Variants in ODAD2 observed in about 807,000 individuals in gnomAD.
The protein encoded by ODAD2 is outer dynein arm-docking complex subunit 2.
Under a neutral mutation model 106.8 loss-of-function variants are expected in ODAD2, and 89 were observed. The observed-to-expected ratio is 0.83, with a 90% confidence interval of 0.70 to 0.99. The LOEUF (loss-of-function observed/expected upper bound fraction) is 0.99, where lower values mean the gene tolerates loss of function less well. ODAD2 is among the 50% of genes least tolerant of loss of function. The probability of loss-of-function intolerance (pLI) is 0.00; values close to 1 mark genes in which losing one functional copy is unlikely to be tolerated. For synonymous variants in ODAD2, 404 were observed against 436.2 expected (o/e 0.93, Z 0.92); for missense variants, 1,168 against 1,238.5 (o/e 0.94, Z 0.85).
chr10:27,871,167 C>T (rs896119502), intron 17 of ODAD2, among the ~76,000 whole-genome samples: 1 of 152,144 alleles, frequency 6.6e-6, no homozygotes, highest in Non-Finnish European at 1.5e-5. Flanking sequence ...TGAGAAGTGT[C>T]TGTTCATATC....
rs1462134360 is a variant in ODAD2 at position 27,860,472 on chromosome 10, G to C, written c.3021+153C>G. Reference sequence around the variant, plus strand: ...TGTTTAAAAAGAAAAAAAAAGTCATGATAACACATGGCTTGAATGCAGCCA... The same window carrying C: ...TGTTTAAAAAGAAAAAAAAAGTCATCATAACACATGGCTTGAATGCAGCCA... On this transcript the variant is annotated intron_variant, in intron 19 of 19. Transcript: ENST00000305242. Among the ~76,000 whole-genome samples, 4 of 152,064 alleles carry C rather than the reference G, an allele frequency of 2.6e-5. No homozygotes were observed. In the South Asian group the frequency reaches 8.3e-4, roughly 32 times the overall value.
intron 17 of ODAD2, among the ~76,000 whole-genome samples, chr10:27,877,971 T>C (rs1841459076): frequency 6.6e-6 from 1 of 152,140 alleles, no homozygotes; most frequent in African/African-American, 2.4e-5. Flanking sequence ...AAACTTAGCT[T>C]TTCTGAAATC....
intron 17 of ODAD2, among the ~76,000 whole-genome samples, chr10:27,896,142 T>C (rs1842840796): frequency 6.6e-6 from 1 of 152,224 alleles, no homozygotes; most frequent in Non-Finnish European, 1.5e-5. Context: ...TCTAAAAATG[T>C]TCATCATGAA....
At chr10:27,952,395 T>A (rs1448631462) in intron 10 of ODAD2, among the ~76,000 whole-genome samples, 1 of 139,116 alleles carries the variant, frequency 7.2e-6, no homozygotes, top group Non-Finnish European at 1.6e-5. Flanking sequence ...TTTTATTTTA[T>A]TTTTTTTTTT....
intron 19 of ODAD2, among the ~76,000 whole-genome samples, chr10:27,834,637 G>A (rs1005455121): frequency 2.0e-5 from 3 of 152,206 alleles, no homozygotes; most frequent in East Asian, 1.9e-4. Flanking sequence ...GGGGCAGATC[G>A]TGAAAGGGCT....
At chr10:27,999,500 C>G (rs1033534458), upstream of ODAD2, among the ~76,000 whole-genome samples, 1 of 152,118 alleles carries the variant, frequency 6.6e-6, no homozygotes, top group African/African-American at 2.4e-5. Flanking sequence ...AAGCAGAAAG[C>G]GCTCTTCAAT....
At chr10:27,895,460 G>T (rs890767954) in intron 17 of ODAD2, among the ~76,000 whole-genome samples, 1 of 152,112 alleles carries the variant, frequency 6.6e-6, no homozygotes, top group Non-Finnish European at 1.5e-5. Flanking sequence ...GCTAATTTTT[G>T]TATTTTTAGT....
At chr10:27,943,986 T>A (rs957881465) in intron 12 of ODAD2, among the ~76,000 whole-genome samples, 1 of 152,082 alleles carries the variant, frequency 6.6e-6, no homozygotes, top group East Asian at 1.9e-4. Context: ...GACAGTTACA[T>A]CTGCTTTAAA....
At chr10:27,956,020 G>C (rs1223841573) in intron 10 of ODAD2, among the ~76,000 whole-genome samples, 2 of 152,008 alleles carry the variant, frequency 1.3e-5, no homozygotes, top group Admixed American at 1.3e-4. Context: ...CGCAATTTGT[G>C]GTTACAGAGC....
intron 3 of ODAD2, 84 bp downstream of exon 3, chr10:27,987,302 C>A: frequency 1.6e-6 from 2 of 1,256,854 alleles, no homozygotes; most frequent in Non-Finnish European, 2.2e-6. Context: ...GAGACTCTAA[C>A]AAATGATCCT....
rs72799643 is a variant in ODAD2 at position 27,837,220 on chromosome 10, C to T, written c.3021+23405G>A. ...TGTGCTGCCCTGTGACCACATGGTC[C>T]CGTACTGGTCACTCAGAGTGAGACC... is the stretch of plus-strand genomic sequence containing the variant. On this transcript the variant is annotated intron_variant, in intron 19 of 19. Coordinates refer to ENST00000305242, the MANE Select transcript of ODAD2 (RefSeq NM_018076.5). Among the ~76,000 whole-genome samples, 831 of 152,302 alleles carry T rather than the reference C, an allele frequency of 5.5e-3. 4 individuals are homozygous for T. The highest frequency in any genetic ancestry group is 9.0e-3 in the Non-Finnish European group (612 of 68,028).
rs1845871578 is a variant in ODAD2 at position 27,935,090 on chromosome 10, G to A, written c.2415C>T (p.Leu805=). The change falls in exon 16 of 20, where the codon CTC becomes CTT. Residue 805 remains leucine (L), a synonymous_variant. Transcript: ENST00000305242. ...KCGGIQPLVN[L]LVGINQALLV... ...GAAGAGCTTGGTTTATTCCAACAAGGAGGTTCACAAGTGGTTGAATGCCAC... is the reference window on the plus strand; with the variant it reads ...GAAGAGCTTGGTTTATTCCAACAAGAAGGTTCACAAGTGGTTGAATGCCAC... 6.2e-7 allele frequency: 1 copy of A among 1,613,820 alleles called. No individual in the cohort carries two copies. The highest frequency in any genetic ancestry group is 8.5e-7 in the Non-Finnish European group (1 of 1,179,910).
intron 16 of ODAD2, among the ~76,000 whole-genome samples, chr10:27,934,144 T>A (rs1174587423): frequency 6.6e-6 from 1 of 152,192 alleles, no homozygotes; most frequent in Admixed American, 6.5e-5. Context: ...GACTTGCTCC[T>A]CCTTGCCTTC....
chr10:27,965,321 A>G (rs1329562534), intron 9 of ODAD2, among the ~76,000 whole-genome samples: 2 of 151,982 alleles, frequency 1.3e-5, no homozygotes, highest in African/African-American at 4.8e-5. Context: ...GAGCCTAGGG[A>G]AAAGAAGATC....
chr10:27,993,662 T>A lies in ODAD2; in HGVS notation c.224+1257A>T, dbSNP rs551813627. On this transcript the variant is annotated intron_variant, in intron 2 of 19. Coordinates refer to ENST00000305242, the MANE Select transcript of ODAD2 (RefSeq NM_018076.5). ...GAGACTCTGTCTCCAGAAAAAAAAA[T>A]AAATAAATAAATATGACTTCAAACA... Among the ~76,000 whole-genome samples, 254 of 151,626 alleles carry A rather than the reference T, an allele frequency of 1.7e-3. 1 individual carries two copies. The highest frequency in any genetic ancestry group is 4.5e-3 in the African/African-American group (187 of 41,316).
At chr10:27,998,842 G>A (rs1293190646) in intron 1 of ODAD2, among the ~76,000 whole-genome samples, 152 bp downstream of exon 1, 1 of 152,114 alleles carries the variant, frequency 6.6e-6, no homozygotes, top group Non-Finnish European at 1.5e-5. Context: ...CCCGCCTGTT[G>A]CTAGGACGCG....
chr10:27,855,126 A>T (rs1839569875), intron 19 of ODAD2, among the ~76,000 whole-genome samples: 1 of 152,164 alleles, frequency 6.6e-6, no homozygotes, highest in Non-Finnish European at 1.5e-5. Flanking sequence ...ATATGTCAAA[A>T]TCTATCAAAG....
chr10:27,932,936 T>G (rs1349190985), intron 16 of ODAD2, among the ~76,000 whole-genome samples: 1 of 152,146 alleles, frequency 6.6e-6, no homozygotes, highest in Admixed American at 6.6e-5. Context: ...CAAAAGATGC[T>G]CAATAAATAT....
chr10:27,937,211 G>C (rs144944218), intron 14 of ODAD2, among the ~76,000 whole-genome samples: 9 of 152,318 alleles, frequency 5.9e-5, no homozygotes, highest in African/African-American at 2.2e-4. Flanking sequence ...TTTCTGCAGT[G>C]ATGCAACTCA....
Sources: allele counts gnomAD v4.1 joint callset (sites outside exome capture counted in the v4.1 genomes callset), GRCh38; gene constraint gnomAD v4.1.1; transcripts MANE v1.5; gene names NCBI Gene and HGNC (gene_info 2026-07-23, HGNC 2026-07-21).